The following NR2F1-AS1 variants were observed in gnomAD, a reference collection of about 807,000 sequenced individuals.
The protein encoded by NR2F1-AS1 is NR2F1 antisense RNA 1.
At chr5:93,487,310 T>G (rs1170443206) in intron 4 of NR2F1-AS1, among the ~76,000 whole-genome samples, 1 of 152,146 alleles carries the variant, frequency 6.6e-6, no homozygotes, top group Non-Finnish European at 1.5e-5. Context: ...TCAAATTGTC[T>G]CTGTTTGCAG....
intron 4 of NR2F1-AS1, among the ~76,000 whole-genome samples, chr5:93,427,650 A>G (rs1029299673): frequency 1.2e-4 from 18 of 152,204 alleles, no homozygotes; most frequent in Non-Finnish European, 2.2e-4. Context: ...ATGTATAAAT[A>G]CCACTTGCTG....
intron 4 of NR2F1-AS1, among the ~76,000 whole-genome samples, chr5:93,497,949 T>C (rs920594754): frequency 6.6e-6 from 1 of 152,184 alleles, no homozygotes; most frequent in Non-Finnish European, 1.5e-5. Context: ...AAATAGCACA[T>C]ATACCGTTTT....
upstream of NR2F1-AS1, among the ~76,000 whole-genome samples, chr5:93,581,589 C>T (rs1753033877): frequency 6.6e-6 from 1 of 151,554 alleles, no homozygotes. Context: ...TCCTGCAAGC[C>T]CCGCCGCGGG....
intron 4 of NR2F1-AS1, among the ~76,000 whole-genome samples, chr5:93,446,299 AC>A (rs1749705102): frequency 1.3e-5 from 2 of 152,018 alleles, no homozygotes; most frequent in South Asian, 4.2e-4. Context: ...TATTTAGAAA[AC>A]CCCATCGTCT....
intron 4 of NR2F1-AS1, among the ~76,000 whole-genome samples, chr5:93,539,565 G>A (rs1751907406): frequency 6.6e-6 from 1 of 152,100 alleles, no homozygotes; most frequent in Non-Finnish European, 1.5e-5. Flanking sequence ...AATTATAGAG[G>A]CAGAGAGAAC....
At chr5:93,537,358 G>A (rs1343492745) in intron 4 of NR2F1-AS1, among the ~76,000 whole-genome samples, 1 of 152,062 alleles carries the variant, frequency 6.6e-6, no homozygotes, top group Non-Finnish European at 1.5e-5. Flanking sequence ...TTAACAGAGT[G>A]AAGAAACAAA....
intron 4 of NR2F1-AS1, among the ~76,000 whole-genome samples, chr5:93,478,954 G>C (rs1750544956): frequency 6.6e-6 from 1 of 152,176 alleles, no homozygotes; most frequent in African/African-American, 2.4e-5. Context: ...GAAGACAGTA[G>C]AGTAGGATCA....
intron 4 of NR2F1-AS1, among the ~76,000 whole-genome samples, chr5:93,525,168 A>G (rs1045291702): frequency 6.6e-6 from 1 of 152,164 alleles, no homozygotes; most frequent in Non-Finnish European, 1.5e-5. Flanking sequence ...AGGAATATTT[A>G]CCAAGCAAAT....
chr5:93,576,151 A>G (rs1449814672), intron 1 of NR2F1-AS1, among the ~76,000 whole-genome samples: 1 of 152,196 alleles, frequency 6.6e-6, no homozygotes, highest in African/African-American at 2.4e-5. Context: ...TTTCACACCA[A>G]CCTGAGCCCT....
intron 4 of NR2F1-AS1, among the ~76,000 whole-genome samples, chr5:93,485,749 C>A (rs537265579): frequency 4.6e-5 from 7 of 151,910 alleles, no homozygotes; most frequent in Admixed American, 3.3e-4. Context: ...TTGACCCAGC[C>A]ATCCCATTAC....
chr5:93,542,420 A>T (rs1354655906), intron 4 of NR2F1-AS1: 2 of 152,056 alleles, frequency 1.3e-5, no homozygotes, highest in African/African-American at 4.8e-5. Context: ...TTATAGTAAG[A>T]TCAACAGCAT....
At chr5:93,431,030 T>C (rs536569911) in intron 4 of NR2F1-AS1, among the ~76,000 whole-genome samples, 18 of 152,282 alleles carry the variant, frequency 1.2e-4, no homozygotes, top group African/African-American at 4.3e-4. Context: ...GGGAAATGTA[T>C]GTTTCAGCAC....
chr5:93,464,125 T>C (rs947018931), intron 4 of NR2F1-AS1, among the ~76,000 whole-genome samples: 1 of 152,154 alleles, frequency 6.6e-6, no homozygotes, highest in Non-Finnish European at 1.5e-5. Flanking sequence ...TTTCAACATA[T>C]CATGGGAGGA....
At chr5:93,460,703 C>T (rs1392297177) in intron 4 of NR2F1-AS1, among the ~76,000 whole-genome samples, 2 of 152,024 alleles carry the variant, frequency 1.3e-5, no homozygotes, top group African/African-American at 4.8e-5. Context: ...AGAAGACATA[C>T]ATGCAGCCAA....
chr5:93,492,863 C>A (rs1203933033), intron 4 of NR2F1-AS1, among the ~76,000 whole-genome samples: 1 of 150,892 alleles, frequency 6.6e-6, no homozygotes, highest in East Asian at 1.9e-4. Flanking sequence ...AAAAAACACT[C>A]ACAAACTAGG....
intron 4 of NR2F1-AS1, among the ~76,000 whole-genome samples, chr5:93,531,568 G>T (rs1561486168): frequency 6.6e-6 from 1 of 152,172 alleles, no homozygotes; most frequent in Non-Finnish European, 1.5e-5. Context: ...TCTCAAAGAA[G>T]TATATTTACA....
At chr5:93,570,332 T>C (rs1224880887) in intron 1 of NR2F1-AS1, 1 of 152,380 alleles carries the variant, frequency 6.6e-6, no homozygotes, top group Admixed American at 6.5e-5. Flanking sequence ...TGAAGAGGAC[T>C]GGCTGTCCAA....
chr5:93,491,115 G>C (rs1432127415), intron 4 of NR2F1-AS1, among the ~76,000 whole-genome samples: 1 of 146,688 alleles, frequency 6.8e-6, no homozygotes, highest in Non-Finnish European at 1.5e-5. Context: ...CTGGTGATGA[G>C]AGTGGTGGTG....
intron 2 of NR2F1-AS1, among the ~76,000 whole-genome samples, chr5:93,556,145 C>T (rs538007150): frequency 1.3e-5 from 2 of 152,218 alleles, no homozygotes; most frequent in African/African-American, 2.4e-5. Context: ...TCTCTGGCCC[C>T]GAATGCCCAT....
Sources: allele counts gnomAD v4.1 joint callset (sites outside exome capture counted in the v4.1 genomes callset), GRCh38; gene constraint gnomAD v4.1.1; transcripts MANE v1.5; gene names NCBI Gene and HGNC (gene_info 2026-07-23, HGNC 2026-07-21).